Variants in UHRF2 observed in about 807,000 individuals in gnomAD.
The protein encoded by UHRF2 is ubiquitin like with PHD and ring finger domains 2.
UHRF2 carries 23 observed loss-of-function variants against 96.8 expected under a neutral mutation model. The ratio of observed to expected loss-of-function variants is 0.24; its 90% CI spans 0.17 to 0.34. The LOEUF (loss-of-function observed/expected upper bound fraction) is 0.34, where lower values mean the gene tolerates loss of function less well. Among genes scored for constraint, UHRF2 ranks in the 10% least tolerant of loss-of-function variants. The probability of loss-of-function intolerance (pLI) is 1.00; values close to 1 mark genes in which losing one functional copy is unlikely to be tolerated. For synonymous variants in UHRF2, 385 were observed against 332.6 expected (o/e 1.16, Z -1.72); for missense variants, 685 against 981.5 (o/e 0.70, Z 4.04).
At chr9:6,441,468 G>T (rs1408161618) in intron 3 of UHRF2, among the ~76,000 whole-genome samples, 1 of 152,008 alleles carries the variant, frequency 6.6e-6, no homozygotes, top group Admixed American at 6.5e-5. Context: ...AATCAGTCCT[G>T]GAGTTGGCTG....
chr9:6,487,193 T>C (rs1025413173), intron 9 of UHRF2, among the ~76,000 whole-genome samples: 2 of 130,616 alleles, frequency 1.5e-5, no homozygotes, highest in East Asian at 2.1e-4. Flanking sequence ...TTTTTTTTTT[T>C]TTTTTTTTTT....
At chr9:6,467,667 G>C (rs1451218823) in intron 4 of UHRF2, among the ~76,000 whole-genome samples, 1 of 148,420 alleles carries the variant, frequency 6.7e-6, no homozygotes, top group Non-Finnish European at 1.5e-5. Context: ...TTGCTGTTGG[G>C]CTGACAGAAG....
intron 4 of UHRF2, among the ~76,000 whole-genome samples, chr9:6,470,577 G>T (rs556629166): frequency 6.6e-6 from 1 of 152,094 alleles, no homozygotes; most frequent in East Asian, 1.9e-4. Context: ...GCAGGGAAAG[G>T]GTAAATGTAT....
At chr9:6,497,589 A>T (rs7029772) in intron 11 of UHRF2, among the ~76,000 whole-genome samples, 45,050 of 150,812 alleles carry the variant, frequency 0.3, 8,469 homozygotes, top group African/African-American at 0.53. Context: ...TTTTTTTTTT[A>T]AAATGTAAGT....
At chr9:6,420,517 A>G (rs985532269) in intron 1 of UHRF2, among the ~76,000 whole-genome samples, 4 of 151,546 alleles carry the variant, frequency 2.6e-5, no homozygotes, top group Non-Finnish European at 5.9e-5. Flanking sequence ...CCTGGCAAAC[A>G]CGGTGAAACC....
intron 4 of UHRF2, among the ~76,000 whole-genome samples, chr9:6,474,866 C>G (rs973280981): frequency 6.6e-6 from 1 of 151,982 alleles, no homozygotes; most frequent in Non-Finnish European, 1.5e-5. Flanking sequence ...TTATTTTTGC[C>G]TAGAAATTAT....
chr9:6,486,795 T>G, intron 8 of UHRF2, 26 bp from the exon 9 acceptor site: 1 of 1,608,748 alleles, frequency 6.2e-7, no homozygotes, highest in Non-Finnish European at 8.5e-7. Flanking sequence ...AGAGGTATTT[T>G]GAGACTCTCT....
At chr9:6,483,470 C>T (rs1353218475) in intron 8 of UHRF2, among the ~76,000 whole-genome samples, 1 of 151,666 alleles carries the variant, frequency 6.6e-6, no homozygotes, top group Non-Finnish European at 1.5e-5. Flanking sequence ...TAGTTGTTAA[C>T]ACTGTATTGT....
At chr9:6,451,295 C>T (rs1821845830) in intron 3 of UHRF2, among the ~76,000 whole-genome samples, 1 of 152,022 alleles carries the variant, frequency 6.6e-6, no homozygotes, top group East Asian at 1.9e-4. Context: ...TGTGTAGTTT[C>T]GTTCATTATG....
At chr9:6,433,249 A>C (rs1026531960) in intron 2 of UHRF2, among the ~76,000 whole-genome samples, 2 of 152,164 alleles carry the variant, frequency 1.3e-5, no homozygotes, top group African/African-American at 4.8e-5. Context: ...GTCAGATTGC[A>C]TGGGTTAGTT....
intron 5 of UHRF2, among the ~76,000 whole-genome samples, chr9:6,477,278 A>C (rs1587850317): frequency 6.6e-6 from 1 of 151,772 alleles, no homozygotes; most frequent in African/African-American, 2.4e-5. Context: ...TAATCCCAGC[A>C]CTTTGGGAGG....
chr9:6,492,607 G>A (rs1824725191), intron 9 of UHRF2: 2 of 153,484 alleles, frequency 1.3e-5, no homozygotes, highest in Non-Finnish European at 2.9e-5. Context: ...ATAAATAATT[G>A]ACTTCTATAA....
Position 6,497,327 on chromosome 9 carries a change from T to C in UHRF2, c.1734T>C (p.Pro578=). 6.2e-7 allele frequency: 1 copy of C among 1,613,842 alleles called. No homozygotes were observed. Among genetic ancestry groups the C allele is most frequent in the East Asian group, 2.2e-5 (1 of 44,878 alleles). Residue 578 remains proline, a synonymous_variant, in exon 11 of 16, where the codon CCT becomes CCC. Coordinates refer to ENST00000276893, the MANE Select transcript of UHRF2 (RefSeq NM_152896.3). ...FKGRKISKYA[P]EEGNRYDGIY... is the part of the protein sequence containing the mutation. ...GGAGGAAGATCAGCAAATATGCTCC[T>C]GAAGAAGGCAACAGATATGATGGCA...
At chr9:6,481,926 A>T in intron 7 of UHRF2, 66 bp from the exon 8 acceptor site, 4 of 1,575,024 alleles carry the variant, frequency 2.5e-6, no homozygotes, top group Non-Finnish European at 3.5e-6. Flanking sequence ...GTCACATCTC[A>T]GAATTAAGGG....
Position 6,460,169 on chromosome 9 carries a change from G to A in UHRF2, c.645-404G>A, listed in dbSNP as rs950334285. Among the ~76,000 whole-genome samples the A allele has an allele frequency of 1.1e-4, 17 of 152,280 alleles. No individual in the cohort carries two copies. In the South Asian group the frequency reaches 1.5e-3, roughly 13 times the overall value. The stretch of plus-strand genomic sequence containing the variant: ...TTACAAATATTCAGTCTCCCATTGC[G>A]AATATCTAGATTATAACAGTAATAC... On this transcript the variant is annotated intron_variant, in intron 3 of 15. Coordinates refer to ENST00000276893, the MANE Select transcript of UHRF2 (RefSeq NM_152896.3).
intron 1 of UHRF2, among the ~76,000 whole-genome samples, chr9:6,416,649 T>TCTC (rs1299668083): frequency 1.8e-4 from 27 of 148,980 alleles, no homozygotes; most frequent in African/African-American, 6.2e-4. Flanking sequence ...TTCACGCCAT[T>TCTC]CTGCCTCAGC....
At chr9:6,499,220 TGTTATTA>T (rs1361131653) in intron 12 of UHRF2, 1 of 152,338 alleles carries the variant, frequency 6.6e-6, no homozygotes, top group African/African-American at 2.4e-5. Flanking sequence ...TAAGCATGAC[TGTTATTA>T]CAAAGCATGC....
At chr9:6,421,475 C>T (rs56411118) in intron 2 of UHRF2, among the ~76,000 whole-genome samples, 13,478 of 152,112 alleles carry the variant, frequency 0.089, 1,014 homozygotes, top group East Asian at 0.38. Flanking sequence ...TGCAGTGGCG[C>T]ACGCAATCTT....
intron 1 of UHRF2, among the ~76,000 whole-genome samples, chr9:6,415,816 A>G (rs372721556): frequency 3.0e-4 from 45 of 152,302 alleles, no homozygotes; most frequent in African/African-American, 1.0e-3. Flanking sequence ...ACAAGACCCC[A>G]CGGGAGATTC....
Sources: allele counts gnomAD v4.1 joint callset (sites outside exome capture counted in the v4.1 genomes callset), GRCh38; gene constraint gnomAD v4.1.1; transcripts MANE v1.5; gene names NCBI Gene and HGNC (gene_info 2026-07-23, HGNC 2026-07-21).